The following FOXK2 variants were observed in gnomAD, a reference collection of about 807,000 sequenced individuals.
FOXK2 encodes the protein forkhead box protein K2.
A neutral mutation model predicts 53.3 loss-of-function variants in FOXK2; 24 were observed. The ratio of observed to expected loss-of-function variants is 0.45; its 90% CI spans 0.33 to 0.63. The LOEUF (loss-of-function observed/expected upper bound fraction) is 0.63. Among genes scored for constraint, FOXK2 ranks in the 30% least tolerant of loss-of-function variants. FOXK2 has a pLI of 0.03. For synonymous variants in FOXK2, 505 were observed against 407.1 expected (o/e 1.24, Z -2.89); for missense variants, 952 against 910.5 (o/e 1.05, Z -0.59).
At chr17:82,526,306 T>C (rs2144042046) in intron 1 of FOXK2, among the ~76,000 whole-genome samples, 1 of 152,226 alleles carries the variant, frequency 6.6e-6, no homozygotes, top group Middle Eastern at 3.4e-3. Context: ...GGGAAGGAGA[T>C]GGCCAAGGGA....
intron 4 of FOXK2, among the ~76,000 whole-genome samples, chr17:82,579,019 G>A (rs1404910979): frequency 6.6e-6 from 1 of 152,184 alleles, no homozygotes; most frequent in African/African-American, 2.4e-5. Flanking sequence ...GTTGACTGTT[G>A]TCTGTTCTTC....
chr17:82,534,606 G>A (rs1249483044), intron 1 of FOXK2, among the ~76,000 whole-genome samples: 1 of 152,154 alleles, frequency 6.6e-6, no homozygotes, highest in Non-Finnish European at 1.5e-5. Context: ...CTGCGCTACT[G>A]GAGCACATCC....
At chr17:82,586,255 CGG>C (rs55700637) in intron 7 of FOXK2, 55 bp downstream of exon 7, 5,770 of 292,382 alleles carry the variant, frequency 0.02, 404 homozygotes, top group Non-Finnish European at 0.023. Context: ...AAAGGTGGGC[CGG>C]GGGGGGAAAG....
chr17:82,595,348 CTG>C (rs1190585550), intron 8 of FOXK2, among the ~76,000 whole-genome samples: 1 of 152,196 alleles, frequency 6.6e-6, no homozygotes, highest in Non-Finnish European at 1.5e-5. Flanking sequence ...GTCACTCAGA[CTG>C]GAGTGCAGTG....
chr17:82,581,243 G>A (rs921162747), intron 4 of FOXK2, among the ~76,000 whole-genome samples: 16 of 152,150 alleles, frequency 1.1e-4, no homozygotes, highest in Non-Finnish European at 2.1e-4. Context: ...ACGTTCGTCC[G>A]GCTTTGGCCT....
chr17:82,559,566 G>A (rs2044770906), intron 1 of FOXK2: 2 of 445,450 alleles, frequency 4.5e-6, no homozygotes, highest in African/African-American at 2.0e-5. Flanking sequence ...GGAGATGATG[G>A]GTGGGAGTCT....
At chr17:82,588,315 C>T (rs1049214772) in intron 8 of FOXK2, 3 of 153,566 alleles carry the variant, frequency 2.0e-5, no homozygotes, top group African/African-American at 7.2e-5. Flanking sequence ...CTCTGGGTAA[C>T]TGTGGCTGTG....
At chr17:82,555,885 CAAAAAAAAAAAAAAAAAAAAA>C (rs71168116) in intron 1 of FOXK2, among the ~76,000 whole-genome samples, 1 of 74,216 alleles carries the variant, frequency 1.3e-5, no homozygotes, top group East Asian at 4.1e-4. Flanking sequence ...GACTCTATCA[CAAAAAAAAAAAAAAAAAAAAA>C]AAAAAAAAAA....
intron 1 of FOXK2, among the ~76,000 whole-genome samples, chr17:82,529,577 G>C (rs1459747896): frequency 6.6e-6 from 1 of 152,002 alleles, no homozygotes; most frequent in Non-Finnish European, 1.5e-5. Context: ...TAATAGACAG[G>C]GTTTCACCAT....
chr17:82,538,664 C>T (rs778466442), intron 1 of FOXK2, among the ~76,000 whole-genome samples: 6 of 152,090 alleles, frequency 3.9e-5, no homozygotes, highest in Admixed American at 6.6e-5. Context: ...TGCTCTGCAC[C>T]GTGTTTTATA....
At chr17:82,585,870 CTG>C in intron 6 of FOXK2, 32 bp from the exon 7 acceptor site, 5 of 1,587,392 alleles carry the variant, frequency 3.1e-6, no homozygotes, top group Non-Finnish European at 4.3e-6. Context: ...AAGTCAGTAT[CTG>C]TAAGTGTCAG....
At chr17:82,588,360 G>C (rs2045216591) in intron 8 of FOXK2, 1 of 158,912 alleles carries the variant, frequency 6.3e-6, no homozygotes, top group African/African-American at 2.4e-5. Context: ...TGGCACTGCA[G>C]GTAGCTGGGA....
chr17:82,563,303 T>C, intron 1 of FOXK2, 51 bp from the exon 2 acceptor site: 1 of 1,566,440 alleles, frequency 6.4e-7, no homozygotes, highest in East Asian at 2.3e-5. Flanking sequence ...GACTCTGCCC[T>C]GCCCCGGCTG....
intron 6 of FOXK2, among the ~76,000 whole-genome samples, chr17:82,584,548 C>CTT (rs2045109065): frequency 1.3e-5 from 1 of 76,252 alleles, no homozygotes; most frequent in Non-Finnish European, 2.4e-5. Context: ...AAAAACATGT[C>CTT]CTTTTTTTTT....
chr17:82,529,165 G>C lies in FOXK2; in HGVS notation c.419+8858G>C, dbSNP rs1000483581. ...ATAATTTTTTTTACAGATGATTCCT[G>C]CTTAAAACCTTTATGCTACCAAAGC... On this transcript the variant is annotated intron_variant, in intron 1 of 8. Coordinates refer to ENST00000335255, the MANE Select transcript of FOXK2 (RefSeq NM_004514.4). Among the ~76,000 whole-genome samples the C allele has an allele frequency of 4.7e-5, 7 of 150,096 alleles. No homozygotes were observed. In the East Asian group the frequency reaches 1.4e-3, roughly 29 times the overall value.
In FOXK2 at chr17:82,573,558, TCTCTCACACACA is replaced by T. The variant is rs1223067805; in HGVS notation, c.909+1690_909+1701del. ...CACACTCTCTCTCTCTCTCTCTCTC[TCTCTCACACACA>T]CACACACACACACACACACACACAC... On this transcript the variant is annotated intron_variant, in intron 4 of 8. Coordinates refer to ENST00000335255, the MANE Select transcript of FOXK2 (RefSeq NM_004514.4). 4.3e-3 allele frequency among the ~76,000 whole-genome samples: 393 copies of T among 90,644 alleles called. 4 individuals are homozygous for T. The highest frequency in any genetic ancestry group is 0.042 in the East Asian group (87 of 2,058). 59.5% of individuals were successfully genotyped at this position (90,644 alleles called of 152,430 possible).
intron 4 of FOXK2, among the ~76,000 whole-genome samples, chr17:82,574,723 C>T (rs2044963486): frequency 6.6e-6 from 1 of 152,200 alleles, no homozygotes; most frequent in South Asian, 2.1e-4. Context: ...AGCCGCCCTT[C>T]CCAGTGCCTC....
At chr17:82,552,006 TGG>T (rs2044681688) in intron 1 of FOXK2, among the ~76,000 whole-genome samples, 1 of 152,158 alleles carries the variant, frequency 6.6e-6, no homozygotes, top group Admixed American at 6.5e-5. Context: ...CCTTGGGCCC[TGG>T]GCTCCCCCTT....
In FOXK2 at chr17:82,586,143, G is replaced by A. The variant is rs769451089; in HGVS notation, c.1519G>A (p.Val507Met). The change falls in exon 7 of 9, where the codon GTG becomes ATG. Residue 507 changes from valine (V) to methionine (M), a missense_variant. Around this residue, in one of 5 missense-constraint regions of FOXK2, gnomAD observed 551 missense variants for 385.1 expected, o/e 1.43. Coordinates refer to ENST00000335255, the MANE Select transcript of FOXK2 (RefSeq NM_004514.4). ...SGQAVVTPAA[V>M]LAPPKAEAQE... The stretch of plus-strand genomic sequence containing the variant: ...ACAAGCTGTGGTCACCCCGGCAGCC[G>A]TGCTGGCCCCTCCTAAGGCAGAGGC... 41 of 1,612,514 alleles carry A rather than the reference G, an allele frequency of 2.5e-5. No homozygotes were observed. The highest frequency in any genetic ancestry group is 1.7e-4 in the Middle Eastern group (1 of 6,060).
Sources: gnomAD v4.1 joint callset for allele counts (sites outside exome capture counted in the v4.1 genomes callset) on GRCh38, gnomAD v4.1.1 for gene constraint, gnomAD v4.1.1 regional missense constraint, MANE v1.5 for transcripts, NCBI Gene and HGNC (gene_info 2026-07-23, HGNC 2026-07-21) for gene names.